The following PRKG1 variants were observed in gnomAD, a reference collection of about 807,000 sequenced individuals.
The protein encoded by PRKG1 is cGMP-dependent protein kinase 1.
A neutral mutation model predicts 88.1 loss-of-function variants in PRKG1; 35 were observed. That is an observed-to-expected ratio of 0.40 (90% CI 0.30 to 0.53). PRKG1 has a LOEUF of 0.53. PRKG1 is among the 20% of genes least tolerant of loss of function. PRKG1 has a pLI of 0.59. For missense variants in PRKG1, 540 were observed against 839.8 expected, an observed-to-expected ratio of 0.64 and a Z score of 4.41; for synonymous variants, 303 against 292.5, an observed-to-expected ratio of 1.04 and a Z score of -0.37.
At chr10:51,010,425 G>A (rs529874756) in intron 1 of PRKG1, among the ~76,000 whole-genome samples, 1 of 152,236 alleles carries the variant, frequency 6.6e-6, no homozygotes, top group South Asian at 2.1e-4. Context: ...TTTCATACCA[G>A]ATATTTCCTA....
chr10:52,017,144 G>C (rs1589521804), intron 5 of PRKG1, among the ~76,000 whole-genome samples: 1 of 152,278 alleles, frequency 6.6e-6, no homozygotes, highest in East Asian at 1.9e-4. Context: ...AAACAAAAGA[G>C]AGATACAAAT....
At chr10:51,848,381 A>G (rs915554503) in intron 4 of PRKG1, among the ~76,000 whole-genome samples, 4 of 152,180 alleles carry the variant, frequency 2.6e-5, no homozygotes, top group African/African-American at 9.6e-5. Flanking sequence ...AGCCTATTTT[A>G]TGGTTCCCGC....
chr10:51,723,208 G>A (rs1475305182), intron 3 of PRKG1, among the ~76,000 whole-genome samples: 1 of 152,120 alleles, frequency 6.6e-6, no homozygotes, highest in Non-Finnish European at 1.5e-5. Context: ...CAATAAGAAA[G>A]ACTTGGAATC....
At chr10:51,270,397 A>C (rs1839947955) in intron 2 of PRKG1, among the ~76,000 whole-genome samples, 1 of 152,166 alleles carries the variant, frequency 6.6e-6, no homozygotes, top group Non-Finnish European at 1.5e-5. Context: ...CATCTAAATT[A>C]CTTAGATTTT....
chr10:52,108,247 G>A (rs1847471806), intron 7 of PRKG1, among the ~76,000 whole-genome samples: 1 of 152,212 alleles, frequency 6.6e-6, no homozygotes, highest in African/African-American at 2.4e-5. Flanking sequence ...GATGTAAGAT[G>A]TTGACATGTA....
intron 9 of PRKG1, among the ~76,000 whole-genome samples, chr10:52,242,797 G>A (rs1355338718): frequency 6.6e-6 from 1 of 152,042 alleles, no homozygotes. Flanking sequence ...TCAGGAGGCT[G>A]AGGCAGGAGA....
At chr10:52,242,360 T>G (rs1025834123) in intron 9 of PRKG1, 5 of 152,194 alleles carry the variant, frequency 3.3e-5, no homozygotes, top group Non-Finnish European at 5.9e-5. Context: ...CTAATGGCTG[T>G]GCATTTATAT....
At chr10:51,730,921 C>T (rs1453543038) in intron 3 of PRKG1, among the ~76,000 whole-genome samples, 3 of 152,062 alleles carry the variant, frequency 2.0e-5, no homozygotes, top group Non-Finnish European at 4.4e-5. Context: ...TTTGGGAGGC[C>T]GAGGCGGGTG....
At chr10:51,128,575 A>G (rs1191629697) in intron 1 of PRKG1, among the ~76,000 whole-genome samples, 1 of 152,216 alleles carries the variant, frequency 6.6e-6, no homozygotes, top group Non-Finnish European at 1.5e-5. Flanking sequence ...CTCTAGGCTG[A>G]ACAGATTTCA....
At chr10:51,739,797 C>A (rs915908436) in intron 3 of PRKG1, among the ~76,000 whole-genome samples, 4 of 151,946 alleles carry the variant, frequency 2.6e-5, no homozygotes, top group African/African-American at 9.7e-5. Context: ...CATGGTGAAA[C>A]CCTGTCTCTA....
At chr10:52,162,006 G>A (rs1242457398) in intron 9 of PRKG1, 43 bp downstream of exon 9, 28 of 1,515,512 alleles carry the variant, frequency 1.8e-5, no homozygotes, top group Non-Finnish European at 2.5e-5. Context: ...AAATGATTTT[G>A]AATAGAAATA....
intron 5 of PRKG1, among the ~76,000 whole-genome samples, chr10:51,944,668 T>C (rs12253087): frequency 0.11 from 17,048 of 152,052 alleles, 1,244 homozygotes; most frequent in East Asian, 0.35. Flanking sequence ...TTGTTCTCAT[T>C]GGTTTCAAAG....
intron 3 of PRKG1, among the ~76,000 whole-genome samples, chr10:51,588,002 C>A (rs1000434506): frequency 1.3e-5 from 2 of 152,150 alleles, no homozygotes; most frequent in Admixed American, 1.3e-4. Context: ...CTTACTTTCC[C>A]CAAGGTAACC....
At chr10:52,051,679 G>A (rs765548638) in intron 5 of PRKG1, among the ~76,000 whole-genome samples, 8 of 152,188 alleles carry the variant, frequency 5.3e-5, no homozygotes, top group Non-Finnish European at 1.0e-4. Context: ...CTATCATTGG[G>A]CAGAATTACC....
At chr10:51,160,558 T>G (rs1030369157) in intron 2 of PRKG1, among the ~76,000 whole-genome samples, 3 of 152,230 alleles carry the variant, frequency 2.0e-5, no homozygotes, top group African/African-American at 7.2e-5. Context: ...AACTTATGCC[T>G]AAGTTTTCTG....
chr10:52,209,836 C>G (rs756967038), intron 9 of PRKG1, among the ~76,000 whole-genome samples: 5 of 152,158 alleles, frequency 3.3e-5, no homozygotes, highest in Non-Finnish European at 5.9e-5. Flanking sequence ...AACACTCTCT[C>G]TCACCTGAAC....
intron 1 of PRKG1, among the ~76,000 whole-genome samples, chr10:51,146,035 A>AC (rs1285152551): frequency 3.3e-5 from 5 of 151,992 alleles, no homozygotes; most frequent in Non-Finnish European, 2.9e-5. Flanking sequence ...AAACAAACAA[A>AC]AAAAACAGCC....
chr10:51,393,166 C>T (rs1837480787), intron 2 of PRKG1, among the ~76,000 whole-genome samples: 1 of 150,534 alleles, frequency 6.6e-6, no homozygotes, highest in Non-Finnish European at 1.5e-5. Context: ...AGAGACGCTC[C>T]TCACCTCCCA....
intron 3 of PRKG1, among the ~76,000 whole-genome samples, chr10:51,568,953 T>C (rs1589090558): frequency 6.6e-6 from 1 of 152,136 alleles, no homozygotes; most frequent in East Asian, 1.9e-4. Context: ...ATGCTGGGTG[T>C]GGGCCGAGTA....
Sources: allele counts gnomAD v4.1 joint callset (sites outside exome capture counted in the v4.1 genomes callset), GRCh38; gene constraint gnomAD v4.1.1; transcripts MANE v1.5; gene names NCBI Gene and HGNC (gene_info 2026-07-23, HGNC 2026-07-21).